The following OR2L13 variants were observed in gnomAD, a reference collection of about 807,000 sequenced individuals.
The protein encoded by OR2L13 is olfactory receptor family 2 subfamily L member 13.
In OR2L13, 14 loss-of-function variants were observed where a neutral mutation model predicts 15.3. The ratio of observed to expected loss-of-function variants is 0.91; its 90% CI spans 0.60 to 1.43. The LOEUF (loss-of-function observed/expected upper bound fraction) is 1.43, where lower values mean the gene tolerates loss of function less well. Ranked by LOEUF, OR2L13 falls within the 40% of genes most tolerant of loss-of-function variation. OR2L13 has a pLI of 0.00. For missense variants in OR2L13, 367 were observed against 387.9 expected, an observed-to-expected ratio of 0.95 and a Z score of 0.45; for synonymous variants, 152 against 142.9, an observed-to-expected ratio of 1.06 and a Z score of -0.45.
At chr1:248,017,629 G>T in the OR2L13 span, among the ~76,000 whole-genome samples, 1 of 152,130 alleles carries the variant, frequency 6.6e-6, no homozygotes, top group African/African-American at 2.4e-5. Flanking sequence ...ATGGGGTCTT[G>T]GCGTGAATGA....
upstream of OR2L13, among the ~76,000 whole-genome samples, chr1:248,095,607 C>CTTTTTTTCTTTTTTTTTTTTTTTTT (rs1664716175): frequency 2.7e-5 from 1 of 37,294 alleles, no homozygotes; most frequent in Non-Finnish European, 5.4e-5. Context: ...AAAGCTGCTG[C>CTTTTTTTCTTTTTTTTTTTTTTTTT]TTTTTTTTTT....
At chr1:248,044,992 G>A in the OR2L13 span, among the ~76,000 whole-genome samples, 3 of 152,042 alleles carry the variant, frequency 2.0e-5, no homozygotes, top group East Asian at 5.8e-4. Context: ...AACCCTGTGG[G>A]CCTGTAACAA....
the OR2L13 span, among the ~76,000 whole-genome samples, chr1:248,076,340 G>T: frequency 1.8e-4 from 28 of 152,130 alleles, no homozygotes; most frequent in Non-Finnish European, 1.2e-4. Context: ...GCTCTTTTTG[G>T]TTCCATATGA....
the OR2L13 span, among the ~76,000 whole-genome samples, chr1:248,073,779 A>T: frequency 6.6e-6 from 1 of 151,962 alleles, no homozygotes. Context: ...AGAAAAGTTA[A>T]TATGTAGATA....
the OR2L13 span, among the ~76,000 whole-genome samples, chr1:247,993,800 A>AGAGG: frequency 7.3e-6 from 1 of 137,000 alleles, no homozygotes; most frequent in African/African-American, 3.6e-5. Flanking sequence ...AGAGAGAGAG[A>AGAGG]GAGAGAGAGA....
At chr1:248,060,707 C>A in the OR2L13 span, 1 of 1,613,474 alleles carries the variant, frequency 6.2e-7, no homozygotes, top group African/African-American at 1.3e-5. Flanking sequence ...CAAACATCAA[C>A]TGATTTCATC....
At chr1:248,070,950 C>G in the OR2L13 span, among the ~76,000 whole-genome samples, 1 of 152,302 alleles carries the variant, frequency 6.6e-6, no homozygotes, top group Admixed American at 6.5e-5. Flanking sequence ...TCTGAATAGA[C>G]TGATAACAGG....
At chr1:248,004,871 A>G in the OR2L13 span, among the ~76,000 whole-genome samples, 1 of 152,170 alleles carries the variant, frequency 6.6e-6, no homozygotes, top group Non-Finnish European at 1.5e-5. Context: ...TTCCCAGTGA[A>G]CATTCTTGGG....
chr1:247,961,995 A>G, the OR2L13 span, among the ~76,000 whole-genome samples: 122,010 of 152,138 alleles, frequency 0.8, 52,907 homozygotes, highest in South Asian at 0.95. Context: ...GGGAGAACCT[A>G]TTTTCGTTGC....
chr1:248,067,989 CG>C, the OR2L13 span, among the ~76,000 whole-genome samples: 4 of 152,200 alleles, frequency 2.6e-5, no homozygotes, highest in African/African-American at 9.7e-5. Flanking sequence ...ACAAAGCAGG[CG>C]GGAAGCTCGA....
At chr1:248,038,429 C>CCACA in the OR2L13 span, 2 of 1,613,804 alleles carry the variant, frequency 1.2e-6, no homozygotes, top group South Asian at 2.2e-5. Flanking sequence ...ACATCCATCT[C>CCACA]CACACACCTA....
chr1:248,100,181 A>G (rs1664828939), exon 3 of OR2L13: 1 of 1,613,940 alleles, frequency 6.2e-7, no homozygotes, highest in Non-Finnish European at 8.5e-7. Context: ...TCACCAGCTG[A>G]AGACAAGATC....
chr1:248,022,958 C>T, the OR2L13 span: 1 of 1,321,146 alleles, frequency 7.6e-7, no homozygotes, highest in Admixed American at 2.3e-5. Context: ...TGAAGAAAAA[C>T]ATTATTACAT....
the OR2L13 span, among the ~76,000 whole-genome samples, chr1:247,986,179 T>TC: frequency 2.1e-5 from 3 of 142,692 alleles, no homozygotes; most frequent in African/African-American, 9.2e-5. Context: ...CATGAAGTCC[T>TC]TGCCAATGCC....
At chr1:248,061,632 A>T in the OR2L13 span, 1 of 1,603,878 alleles carries the variant, frequency 6.2e-7, no homozygotes, top group African/African-American at 1.3e-5. Flanking sequence ...AACATTTTCT[A>T]CCTAAGGTCT....
At chr1:247,997,331 T>C in the OR2L13 span, among the ~76,000 whole-genome samples, 1 of 152,134 alleles carries the variant, frequency 6.6e-6, no homozygotes, top group Non-Finnish European at 1.5e-5. Flanking sequence ...TTCTAAATAT[T>C]AATAAAGCAG....
the OR2L13 span, chr1:247,990,415 T>C: frequency 3.8e-6 from 6 of 1,584,970 alleles, no homozygotes; most frequent in Non-Finnish European, 5.2e-6. Flanking sequence ...CTCATCTTCT[T>C]GGACATCCAT....
At chr1:247,980,910 G>A in the OR2L13 span, 1 of 152,122 alleles carries the variant, frequency 6.6e-6, no homozygotes, top group Admixed American at 6.5e-5. Context: ...GGCAGTGTGT[G>A]TTTGAAATTG....
At chr1:248,037,553 C>T in the OR2L13 span, among the ~76,000 whole-genome samples, 2 of 151,976 alleles carry the variant, frequency 1.3e-5, no homozygotes. Context: ...CTTAGAAAAA[C>T]TTTGGTTATA....
Sources: gnomAD v4.1 joint callset for allele counts (sites outside exome capture counted in the v4.1 genomes callset) on GRCh38, gnomAD v4.1.1 for gene constraint, MANE v1.5 for transcripts, NCBI Gene and HGNC (gene_info 2026-07-23, HGNC 2026-07-21) for gene names.